ELFN2: variants seen among roughly 807,000 people sequenced by gnomAD.
The protein encoded by ELFN2 is extracellular leucine rich repeat and fibronectin type III domain containing 2.
Under a neutral mutation model 45.5 loss-of-function variants are expected in ELFN2, and 17 were observed. The ratio of observed to expected loss-of-function variants is 0.37; its 90% CI spans 0.26 to 0.56. The LOEUF (loss-of-function observed/expected upper bound fraction) is 0.56. Ranked by LOEUF, ELFN2 falls within the 20% of genes least tolerant of loss-of-function variation. The pLI, the probability that ELFN2 is intolerant of heterozygous loss-of-function variation, is 0.77. For missense variants in ELFN2, 922 were observed against 1,183.2 expected, an observed-to-expected ratio of 0.78 and a Z score of 3.24; for synonymous variants, 550 against 551.5, an observed-to-expected ratio of 1.00 and a Z score of 0.04.
chr22:37,418,252 G>A (rs1192836874), intron 1 of ELFN2, among the ~76,000 whole-genome samples: 1 of 151,962 alleles, frequency 6.6e-6, no homozygotes, highest in Non-Finnish European at 1.5e-5. Context: ...GAGAGATGGG[G>A]CAGGGAGAGG....
At chr22:37,351,173 C>G (rs1930812502) in intron 1 of ELFN2, among the ~76,000 whole-genome samples, 1 of 149,410 alleles carries the variant, frequency 6.7e-6, no homozygotes, top group Non-Finnish European at 1.5e-5. Context: ...CTTCTCCCCT[C>G]TCTCCTCCCA....
rs570459211 is a variant in ELFN2, at chr22:37,358,381, G to T, written n.149-15678C>A. On this transcript the variant is annotated intron_variant and non_coding_transcript_variant, in intron 1 of 2. Transcript: ENST00000452946. ...ACATCAGTTCACATGAGAAGGCAGA[G>T]GCACGCAGGTCCAGGTCCGCCGGGG... Among the ~76,000 whole-genome samples the T allele has an allele frequency of 2.6e-5, 4 of 152,360 alleles. No individual in the cohort carries two copies. The East Asian group carries it at 7.7e-4, about 29-fold the overall frequency.
At chr22:37,404,531 G>C (rs886721505) in intron 2 of ELFN2, among the ~76,000 whole-genome samples, 1 of 152,092 alleles carries the variant, frequency 6.6e-6, no homozygotes, top group Non-Finnish European at 1.5e-5. Flanking sequence ...GGCAGAGCCC[G>C]GGTGGGGCCA....
At chr22:37,401,112 G>A (rs942551412) in intron 2 of ELFN2, among the ~76,000 whole-genome samples, 2 of 152,192 alleles carry the variant, frequency 1.3e-5, no homozygotes, top group African/African-American at 4.8e-5. Context: ...GGGGGCCGTG[G>A]GGCCTAGGCC....
At chr22:37,367,045 G>A (rs1326953723), downstream of ELFN2, among the ~76,000 whole-genome samples, 2 of 152,256 alleles carry the variant, frequency 1.3e-5, no homozygotes, top group East Asian at 1.9e-4. Flanking sequence ...GCCACAGGGT[G>A]ATATCAGGGA....
chr22:37,385,278 A>G (rs1387336834), intron 2 of ELFN2: 1 of 152,264 alleles, frequency 6.6e-6, no homozygotes, highest in Non-Finnish European at 1.5e-5. Flanking sequence ...TAAAAGCACT[A>G]TCACTATTCC....
Position 37,369,458 on chromosome 22 carries a change from G to A in ELFN2, c.*3614C>T, listed in dbSNP as rs1931300271. The stretch of plus-strand genomic sequence containing the variant: ...CCCACAGGCCTCCTGCACTGCCTCA[G>A]GAGGGGAGCCCAGGTGAGGGATTCT... On this transcript the variant is annotated 3_prime_UTR_variant, in exon 3 of 3. Coordinates refer to ENST00000402918, the MANE Select transcript of ELFN2 (RefSeq NM_052906.5). 6.6e-6 allele frequency: 1 copy of A among 152,218 alleles called. No homozygotes were observed. Among genetic ancestry groups the A allele is most frequent in the African/African-American group, 2.4e-5 (1 of 41,450 alleles). The allele number at this position is 152,218 out of a possible 1,614,324, so 9.4% of individuals were successfully genotyped here. A position where few individuals can be genotyped will look rare whatever the true frequency, so the allele number is the denominator to read the frequency against.
rs1180227790 is a variant in ELFN2, at chr22:37,372,018, C to G, written c.*1054G>C. 3.9e-5 allele frequency: 6 copies of G among 152,416 alleles called. No individual in the cohort carries two copies. The highest frequency in any genetic ancestry group is 3.9e-4 in the Admixed American group (6 of 15,288). 9.4% of individuals were successfully genotyped at this position (152,416 alleles called of 1,614,324 possible). Reference sequence around the variant, plus strand: ...GGGACAGGCAGGAAGTCCCCCATGACAGCTCCTCCCTGCAGCCCTCCAGGC... The same window carrying G: ...GGGACAGGCAGGAAGTCCCCCATGAGAGCTCCTCCCTGCAGCCCTCCAGGC... On this transcript the variant is annotated 3_prime_UTR_variant, in exon 3 of 3. Transcript: ENST00000402918. The surrounding 1 kb of genome is among the most constrained non-coding windows in gnomAD (Gnocchi z 4.4).
intron 1 of ELFN2, among the ~76,000 whole-genome samples, chr22:37,419,799 C>T (rs892818521): frequency 5.3e-5 from 8 of 152,152 alleles, no homozygotes; most frequent in Admixed American, 6.5e-5. Flanking sequence ...GGGCAGTTCA[C>T]GCGGCGCGTC....
intron 1 of ELFN2, among the ~76,000 whole-genome samples, chr22:37,347,477 A>G (rs1202200180): frequency 6.6e-6 from 1 of 151,998 alleles, no homozygotes; most frequent in Non-Finnish European, 1.5e-5. Context: ...CCGTGGAAGC[A>G]CCTCTGCATT....
At chr22:37,366,735 T>C (rs897262805), downstream of ELFN2, among the ~76,000 whole-genome samples, 3 of 152,170 alleles carry the variant, frequency 2.0e-5, no homozygotes, top group African/African-American at 7.2e-5. Context: ...AGGCTCACAG[T>C]GAAACCTCCC....
intron 1 of ELFN2, among the ~76,000 whole-genome samples, chr22:37,425,300 G>A (rs549318145): frequency 1.3e-5 from 2 of 152,324 alleles, no homozygotes; most frequent in South Asian, 2.1e-4. Context: ...TGGTGCTGAT[G>A]TGAGAACCTC....
At chr22:37,345,574 G>A (rs35407236) in intron 1 of ELFN2, among the ~76,000 whole-genome samples, 20,004 of 142,964 alleles carry the variant, frequency 0.14, 1,562 homozygotes, top group East Asian at 0.29. Context: ...TTGAGACGAA[G>A]TCTCACTCTG....
intron 2 of ELFN2, among the ~76,000 whole-genome samples, chr22:37,398,818 A>G (rs1932286181): frequency 6.6e-6 from 1 of 151,794 alleles, no homozygotes; most frequent in Admixed American, 6.6e-5. Context: ...CTGGTGCGGG[A>G]TCTCCTAGGC....
At chr22:37,408,549 C>T (rs547316994) in intron 2 of ELFN2, among the ~76,000 whole-genome samples, 5 of 152,222 alleles carry the variant, frequency 3.3e-5, no homozygotes, top group Admixed American at 6.5e-5. Context: ...GCACTCAAAT[C>T]GGGCCTGATC....
chr22:37,363,362 T>TC (rs1262719302), downstream of ELFN2, among the ~76,000 whole-genome samples: 1 of 152,090 alleles, frequency 6.6e-6, no homozygotes, highest in Non-Finnish European at 1.5e-5. Context: ...GTGAGTTTTC[T>TC]CCCCCTAGAC....
At chr22:37,397,564 G>C (rs189118300) in intron 2 of ELFN2, among the ~76,000 whole-genome samples, 1 of 152,310 alleles carries the variant, frequency 6.6e-6, no homozygotes, top group East Asian at 1.9e-4. Context: ...GGGGGAACGT[G>C]GACAGAGCCC....
At chr22:37,421,887 C>G (rs558854611) in intron 1 of ELFN2, among the ~76,000 whole-genome samples, 1 of 152,248 alleles carries the variant, frequency 6.6e-6, no homozygotes, top group Non-Finnish European at 1.5e-5. Flanking sequence ...TGAGGCAGGT[C>G]GGCTGACCCC....
intron 2 of ELFN2, among the ~76,000 whole-genome samples, chr22:37,405,236 G>A (rs1027448641): frequency 2.6e-5 from 4 of 151,990 alleles, no homozygotes; most frequent in Non-Finnish European, 4.4e-5. Flanking sequence ...GGGATTATAG[G>A]TGCATTCCAC....
Sources: gnomAD v4.1 joint callset for allele counts (sites outside exome capture counted in the v4.1 genomes callset) on GRCh38, gnomAD v4.1.1 for gene constraint, Gnocchi (gnomAD v3.1) non-coding constraint, MANE v1.5 for transcripts, NCBI Gene and HGNC (gene_info 2026-07-23, HGNC 2026-07-21) for gene names.